KCNQ3: variants seen among roughly 807,000 people sequenced by gnomAD.
The protein encoded by KCNQ3 is potassium voltage-gated channel subfamily KQT member 3.
A neutral mutation model predicts 92.5 loss-of-function variants in KCNQ3; 30 were observed. The observed-to-expected ratio is 0.32, with a 90% CI of 0.24 to 0.44. The LOEUF (loss-of-function observed/expected upper bound fraction) is 0.44. Ranked by LOEUF, KCNQ3 falls within the 20% of genes least tolerant of loss-of-function variation. KCNQ3 has a pLI of 1.00. For missense variants in KCNQ3, 913 were observed against 1,140.3 expected (o/e 0.80, Z 2.87); for synonymous variants, 450 against 468.8 (o/e 0.96, Z 0.52).
intron 7 of KCNQ3, 143 bp from the exon 8 acceptor site, chr8:132,170,571 A>G: frequency 1.5e-6 from 1 of 656,106 alleles, no homozygotes; most frequent in Non-Finnish European, 2.7e-6. Flanking sequence ...AAAAACCGAG[A>G]TTCTTGGCTT....
chr8:132,262,849 C>T (rs1056053248), intron 1 of KCNQ3, among the ~76,000 whole-genome samples: 5 of 152,062 alleles, frequency 3.3e-5, no homozygotes, highest in African/African-American at 4.8e-5. Flanking sequence ...ACTGAAACAC[C>T]GCCACTCACC....
chr8:132,335,852 C>T, intron 1 of KCNQ3, among the ~76,000 whole-genome samples: 1 of 152,034 alleles, frequency 6.6e-6, no homozygotes, highest in South Asian at 2.1e-4. Context: ...GTTCCTTTTT[C>T]CTCCTCTCCA....
chr8:132,324,338 C>T (rs750114399), intron 1 of KCNQ3, among the ~76,000 whole-genome samples: 2 of 152,178 alleles, frequency 1.3e-5, no homozygotes, highest in Non-Finnish European at 2.9e-5. Context: ...AGACCAGGGA[C>T]CCTATTTATA....
At chr8:132,134,232 G>T in intron 13 of KCNQ3, 58 bp downstream of exon 13, 1 of 1,253,328 alleles carries the variant, frequency 8.0e-7, no homozygotes, top group Non-Finnish European at 1.2e-6. Context: ...GTTTGGGGGT[G>T]GGGATGCTTT....
chr8:132,451,206 G>A (rs530764477), intron 1 of KCNQ3, among the ~76,000 whole-genome samples: 2 of 152,284 alleles, frequency 1.3e-5, no homozygotes, highest in East Asian at 1.9e-4. Flanking sequence ...TGCACATGCT[G>A]TCTTGCCTGC....
At chr8:132,195,844 C>G (rs948586998) in intron 1 of KCNQ3, among the ~76,000 whole-genome samples, 1 of 152,058 alleles carries the variant, frequency 6.6e-6, no homozygotes, top group African/African-American at 2.4e-5. Context: ...AAACAGGAGC[C>G]AAACTAGAGC....
In KCNQ3 at chr8:132,231,401, G is replaced by A. The variant is rs187741002; in HGVS notation, c.387-45220C>T. Reference sequence around the variant, plus strand: ...CTCTGTTAAGGACTGAATTGTATTTGCCCCAAAATTTATATATTGAAGCCT... The same window carrying A: ...CTCTGTTAAGGACTGAATTGTATTTACCCCAAAATTTATATATTGAAGCCT... On this transcript the variant is annotated intron_variant, in intron 1 of 14. Transcript: ENST00000388996. Among the ~76,000 whole-genome samples the A allele has an allele frequency of 1.2e-4, 19 of 152,262 alleles. 1 individual carries two copies. The highest frequency in any genetic ancestry group is 1.2e-3 in the Admixed American group (18 of 15,288).
intron 1 of KCNQ3, among the ~76,000 whole-genome samples, chr8:132,232,264 G>GT (rs201175528): frequency 0.012 from 1,769 of 152,290 alleles, 16 homozygotes; most frequent in Non-Finnish European, 0.019. Context: ...TCACCAAGGG[G>GT]TCTTGTTAAA....
At position 132,129,449 on chromosome 8, in the gene KCNQ3, T is replaced by C. The variant is rs1824782567; in HGVS notation, c.2432A>G (p.Gln811Arg). The change falls in exon 15 of 15, where the codon CAG becomes CGG. Residue 811 changes from glutamine (Q) to arginine (R), a missense_variant. Around this residue, in one of 6 missense-constraint regions of KCNQ3, gnomAD observed 375 missense variants for 376.4 expected, o/e 1.00. Transcript: ENST00000388996. The surrounding 1 kb of genome is among the most constrained non-coding windows in gnomAD (Gnocchi z 5.9). ...ERSPSGFSISQDRDDYVFGPN... is the reference protein window; with the variant it reads ...ERSPSGFSISRDRDDYVFGPN... Reference sequence around the variant, plus strand: ...GCCGAACACATAATCATCTCTGTCCTGGGAGATGCTGAAGCCACTTGGAGA... The same window carrying C: ...GCCGAACACATAATCATCTCTGTCCCGGGAGATGCTGAAGCCACTTGGAGA... The C allele has an allele frequency of 6.2e-7, 1 of 1,614,186 alleles. No individual in the cohort carries two copies. Among genetic ancestry groups the C allele is most frequent in the Non-Finnish European group, 8.5e-7 (1 of 1,180,026 alleles).
At position 132,364,679 on chromosome 8, in the gene KCNQ3, G is replaced by A. The variant is rs369752486; in HGVS notation, c.386+115468C>T. On this transcript the variant is annotated intron_variant, in intron 1 of 14. Coordinates refer to ENST00000388996, the MANE Select transcript of KCNQ3 (RefSeq NM_004519.4). The stretch of plus-strand genomic sequence containing the variant: ...GGGTTTAGTAAATGGATGGACGGAC[G>A]GACGGACGGACGGACGGATGGATGG... 5.0e-4 allele frequency among the ~76,000 whole-genome samples: 60 copies of A among 119,438 alleles called. No homozygotes were observed. In the East Asian group the frequency reaches 8.0e-3, roughly 16 times the overall value. The allele number at this position is 119,438 out of a possible 152,430, so 78.4% of individuals were successfully genotyped here.
intron 1 of KCNQ3, among the ~76,000 whole-genome samples, chr8:132,436,946 G>A (rs1457125020): frequency 1.3e-5 from 2 of 152,120 alleles, no homozygotes; most frequent in Admixed American, 1.3e-4. Flanking sequence ...GGCTTTTCAG[G>A]AGTTGGACTA....
chr8:132,406,360 A>ACCACTGAACTTGT (rs1820479563), intron 1 of KCNQ3, among the ~76,000 whole-genome samples: 1 of 152,162 alleles, frequency 6.6e-6, no homozygotes, highest in Non-Finnish European at 1.5e-5. Context: ...CGACATTTCA[A>ACCACTGAACTTGT]CCACTGAACT....
intron 1 of KCNQ3, among the ~76,000 whole-genome samples, chr8:132,371,888 G>A (rs1819481362): frequency 6.6e-6 from 1 of 152,170 alleles, no homozygotes; most frequent in South Asian, 2.1e-4. Flanking sequence ...CCTTTGGTGA[G>A]CACCCTTCCT....
At chr8:132,345,954 T>C (rs1380464194) in intron 1 of KCNQ3, among the ~76,000 whole-genome samples, 6 of 151,852 alleles carry the variant, frequency 4.0e-5, no homozygotes, top group Admixed American at 3.9e-4. Flanking sequence ...ATGGTGATGA[T>C]GATGGAATGG....
At chr8:132,132,488 AT>A (rs1337752606) in intron 13 of KCNQ3, among the ~76,000 whole-genome samples, 1 of 152,230 alleles carries the variant, frequency 6.6e-6, no homozygotes, top group Non-Finnish European at 1.5e-5. Context: ...CTGTAGGAAA[AT>A]TTGAAGCCAA....
intron 1 of KCNQ3, among the ~76,000 whole-genome samples, chr8:132,196,422 T>C (rs541994536): frequency 6.6e-6 from 1 of 152,340 alleles, no homozygotes; most frequent in South Asian, 2.1e-4. Context: ...TTCCTTGACA[T>C]GCACTTACCA....
At chr8:132,363,860 G>A (rs1198617259) in intron 1 of KCNQ3, among the ~76,000 whole-genome samples, 1 of 151,574 alleles carries the variant, frequency 6.6e-6, no homozygotes, top group Non-Finnish European at 1.5e-5. Flanking sequence ...AGGAACTGGT[G>A]AATTTTAAGC....
chr8:132,306,498 G>A (rs1586913510), intron 1 of KCNQ3, among the ~76,000 whole-genome samples: 1 of 152,290 alleles, frequency 6.6e-6, no homozygotes, highest in South Asian at 2.1e-4. Flanking sequence ...GGAGGGTGGG[G>A]TGCCACCCGG....
At chr8:132,221,799 A>G (rs1481303684) in intron 1 of KCNQ3, among the ~76,000 whole-genome samples, 4 of 152,188 alleles carry the variant, frequency 2.6e-5, no homozygotes, top group Non-Finnish European at 5.9e-5. Context: ...AAACCTGACA[A>G]AAACAAGAAA....
Sources: gnomAD v4.1 joint callset for allele counts (sites outside exome capture counted in the v4.1 genomes callset) on GRCh38, gnomAD v4.1.1 for gene constraint, gnomAD v4.1.1 regional missense constraint, Gnocchi (gnomAD v3.1) non-coding constraint, MANE v1.5 for transcripts, NCBI Gene and HGNC (gene_info 2026-07-23, HGNC 2026-07-21) for gene names.